Variants in IPCEF1 observed in about 807,000 individuals in gnomAD.
The protein encoded by IPCEF1 is interaction protein for cytohesin exchange factors 1.
In IPCEF1, 31 loss-of-function variants were observed where a neutral mutation model predicts 50.9. That is an observed-to-expected ratio of 0.61 (90% CI 0.46 to 0.82). The LOEUF (loss-of-function observed/expected upper bound fraction) is 0.82, where lower values mean the gene tolerates loss of function less well. Ranked by LOEUF, IPCEF1 falls within the 40% of genes least tolerant of loss-of-function variation. IPCEF1 has a pLI of 0.00. For synonymous variants in IPCEF1, 181 were observed against 192.0 expected, an observed-to-expected ratio of 0.94 and a Z score of 0.47; for missense variants, 458 against 514.0, an observed-to-expected ratio of 0.89 and a Z score of 1.05.
intron 1 of IPCEF1, among the ~76,000 whole-genome samples, chr6:154,354,721 G>A (rs1017084562): frequency 1.3e-5 from 2 of 151,828 alleles, no homozygotes; most frequent in Admixed American, 6.6e-5. Flanking sequence ...TCTGATCCCC[G>A]TTCTACACAC....
At chr6:154,227,840 A>G (rs894673629) in intron 5 of IPCEF1, among the ~76,000 whole-genome samples, 2 of 152,204 alleles carry the variant, frequency 1.3e-5, no homozygotes, top group African/African-American at 4.8e-5. Context: ...AGGAGCCTAA[A>G]TAAGTTTGGG....
intron 1 of IPCEF1, among the ~76,000 whole-genome samples, chr6:154,339,926 AGTT>A (rs201528740): frequency 0.022 from 3,379 of 152,060 alleles, 61 homozygotes; most frequent in Non-Finnish European, 0.033. Context: ...AGCATGTTCA[AGTT>A]GTAAATAACG....
chr6:154,264,005 A>ACC (rs71021034), intron 3 of IPCEF1, among the ~76,000 whole-genome samples: 3,726 of 128,314 alleles, frequency 0.029, 213 homozygotes, highest in African/African-American at 0.1. Context: ...CGGGGGGCTG[A>ACC]CCCCCCCCAC....
At chr6:154,286,963 G>A (rs900408067) in intron 2 of IPCEF1, among the ~76,000 whole-genome samples, 6 of 152,200 alleles carry the variant, frequency 3.9e-5, no homozygotes, top group South Asian at 2.1e-4. Flanking sequence ...GATCACGGGG[G>A]TGGATTTCCC....
intron 1 of IPCEF1, among the ~76,000 whole-genome samples, chr6:154,294,588 G>C (rs1024499080): frequency 6.6e-6 from 1 of 152,168 alleles, no homozygotes; most frequent in Non-Finnish European, 1.5e-5. Flanking sequence ...ACCATTTGCA[G>C]AGCGGAGGAT....
At chr6:154,256,609 C>A (rs1781469373) in intron 3 of IPCEF1, among the ~76,000 whole-genome samples, 1 of 151,678 alleles carries the variant, frequency 6.6e-6, no homozygotes, top group Non-Finnish European at 1.5e-5. Flanking sequence ...CACACACTCT[C>A]ACTTTCTCTC....
At chr6:154,173,037 G>C (rs747581559) in intron 10 of IPCEF1, among the ~76,000 whole-genome samples, 2 of 152,238 alleles carry the variant, frequency 1.3e-5, no homozygotes, top group Non-Finnish European at 2.9e-5. Context: ...GGTCTGGAGT[G>C]CACCTGCAGC....
At chr6:154,353,297 T>TTG (rs1784148603) in intron 1 of IPCEF1, among the ~76,000 whole-genome samples, 2 of 147,212 alleles carry the variant, frequency 1.4e-5, no homozygotes, top group African/African-American at 5.0e-5. Context: ...CTTTTCCTTT[T>TTG]TTTTTTTTTT....
intron 1 of IPCEF1, among the ~76,000 whole-genome samples, chr6:154,316,438 T>C (rs765486231): frequency 1.7e-4 from 26 of 152,096 alleles, no homozygotes; most frequent in Non-Finnish European, 1.3e-4. Context: ...ATTCTGTATT[T>C]AAAAAAAGAA....
intron 1 of IPCEF1, among the ~76,000 whole-genome samples, chr6:154,305,571 A>G (rs949066370): frequency 1.3e-5 from 2 of 151,956 alleles, no homozygotes; most frequent in Admixed American, 6.6e-5. Context: ...CACTGAAACT[A>G]CCCCCAGTGT....
intron 1 of IPCEF1, among the ~76,000 whole-genome samples, chr6:154,350,748 T>A (rs1784106773): frequency 6.6e-6 from 1 of 152,056 alleles, no homozygotes; most frequent in South Asian, 2.1e-4. Flanking sequence ...AGAGACAGAG[T>A]CTTACTCTGC....
intron 3 of IPCEF1, among the ~76,000 whole-genome samples, chr6:154,259,945 AATTG>A (rs1230027010): frequency 1.2e-4 from 19 of 152,120 alleles, no homozygotes; most frequent in African/African-American, 4.6e-4. Flanking sequence ...AGCTTTTTTT[AATTG>A]ACCAGAAATG....
intron 3 of IPCEF1, among the ~76,000 whole-genome samples, chr6:154,264,002 C>T (rs1030119546): frequency 2.8e-5 from 2 of 72,622 alleles, no homozygotes; most frequent in Admixed American, 9.9e-5. Flanking sequence ...GGGCGGGGGG[C>T]TGACCCCCCC....
At chr6:154,247,217 A>C (rs1781127096) in intron 4 of IPCEF1, 1 of 520,680 alleles carries the variant, frequency 1.9e-6, no homozygotes, top group African/African-American at 1.9e-5. Flanking sequence ...TTCCCGACTC[A>C]CTGCCAGTTT....
intron 3 of IPCEF1, among the ~76,000 whole-genome samples, chr6:154,260,642 T>G (rs1416123813): frequency 6.6e-6 from 1 of 152,074 alleles, no homozygotes; most frequent in Non-Finnish European, 1.5e-5. Flanking sequence ...CCAGCTAATT[T>G]TTGTATTTTT....
intron 9 of IPCEF1, among the ~76,000 whole-genome samples, chr6:154,212,135 T>G (rs578141506): frequency 1.3e-5 from 2 of 152,326 alleles, no homozygotes; most frequent in East Asian, 3.9e-4. Flanking sequence ...CAATGATCAT[T>G]GTATGACCCT....
intron 1 of IPCEF1, among the ~76,000 whole-genome samples, chr6:154,320,708 C>A (rs184671117): frequency 6.6e-6 from 1 of 152,198 alleles, no homozygotes; most frequent in Non-Finnish European, 1.5e-5. Flanking sequence ...ATTTCCCAAA[C>A]AAAACTGTAT....
intron 10 of IPCEF1, among the ~76,000 whole-genome samples, chr6:154,177,877 T>G (rs1800478159): frequency 6.6e-6 from 1 of 152,158 alleles, no homozygotes; most frequent in Non-Finnish European, 1.5e-5. Flanking sequence ...TAGCAAAGAC[T>G]TGTAACCAAC....
chr6:154,255,733 T>C (rs776799902), intron 3 of IPCEF1, among the ~76,000 whole-genome samples: 10 of 152,198 alleles, frequency 6.6e-5, no homozygotes, highest in Non-Finnish European at 1.0e-4. Context: ...ATGCTACTTA[T>C]GTCTTATATC....
Sources: allele counts gnomAD v4.1 joint callset (sites outside exome capture counted in the v4.1 genomes callset), GRCh38; gene constraint gnomAD v4.1.1; transcripts MANE v1.5; gene names NCBI Gene and HGNC (gene_info 2026-07-23, HGNC 2026-07-21).